TGS1: variants seen among roughly 807,000 people sequenced by gnomAD.
The protein encoded by TGS1 is trimethylguanosine synthase 1.
TGS1 carries 69 observed loss-of-function variants against 92.2 expected under a neutral mutation model. The observed-to-expected ratio is 0.75, with a 90% CI of 0.62 to 0.91. The LOEUF (loss-of-function observed/expected upper bound fraction) is 0.91, where lower values mean the gene tolerates loss of function less well. TGS1 is among the 40% of genes least tolerant of loss of function. TGS1 has a pLI of 0.00. For synonymous variants in TGS1, 345 were observed against 338.1 expected, an observed-to-expected ratio of 1.02 and a Z score of -0.22; for missense variants, 1,062 against 1,001.2, an observed-to-expected ratio of 1.06 and a Z score of -0.82.
In TGS1 at chr8:55,773,555, C is replaced by T; in HGVS notation, c.-64C>T. The T allele has an allele frequency of 1.5e-6, 2 of 1,321,026 alleles. No homozygotes were observed. The highest frequency in any genetic ancestry group is 1.9e-5 in the Admixed American group (1 of 51,298). 81.8% of individuals were successfully genotyped at this position (1,321,026 alleles called of 1,614,324 possible). ...AGGCCTGTTTTAAGTCTCCAGTAAC[C>T]GAGCGGAGGCCCGGCAGGCGCGACC... On this transcript the variant is annotated 5_prime_UTR_variant, in exon 1 of 13. Coordinates refer to ENST00000260129, the MANE Select transcript of TGS1 (RefSeq NM_024831.8).
chr8:55,799,246 C>G lies in TGS1; in HGVS notation c.1849+26C>G, dbSNP rs1274381500. ...GTAACACTAAATATGCTTCAACTTG[C>G]TAATGGATTTAGATAAAATTTTTTT... On this transcript the variant is annotated intron_variant, in intron 8 of 12. Transcript: ENST00000260129. The G allele has an allele frequency of 8.3e-6, 13 of 1,561,368 alleles. No homozygotes were observed. In the Admixed American group the frequency reaches 2.7e-4, roughly 33 times the overall value.
chr8:55,786,109 G>C, intron 3 of TGS1, 129 bp from the exon 4 acceptor site: 1 of 711,404 alleles, frequency 1.4e-6, no homozygotes. Context: ...TCACTTGTTT[G>C]TGGAGCTAAA....
rs746256235 is a variant in TGS1 at position 55,786,428 on chromosome 8, C to A, written c.530C>A (p.Thr177Asn). 6.2e-7 allele frequency: 1 copy of A among 1,613,398 alleles called. No individual in the cohort carries two copies. The highest frequency in any genetic ancestry group is 1.1e-5 in the South Asian group (1 of 90,794). ...RTYELQSKKD[T>N]ETENPPVENT... Reference sequence around the variant, plus strand: ...TATGAACTTCAAAGCAAAAAAGATACTGAGACAGAAAATCCTCCAGTTGAA... The same window carrying A: ...TATGAACTTCAAAGCAAAAAAGATAATGAGACAGAAAATCCTCCAGTTGAA... Residue 177 changes from threonine (T) to asparagine (N), a missense_variant, in exon 4 of 13, where the codon ACT (threonine) becomes AAT (asparagine). Thr to Asn is a moderately conservative substitution (Grantham distance 65). Transcript: ENST00000260129.
chr8:55,799,264 AT>A (rs369256016), intron 8 of TGS1, 44 bp downstream of exon 8: 10 of 1,523,346 alleles, frequency 6.6e-6, no homozygotes, highest in Non-Finnish European at 7.0e-6. Flanking sequence ...TTTAGATAAA[AT>A]TTTTTTTGTT....
At chr8:55,784,369 T>TGA (rs974511273) in intron 2 of TGS1, among the ~76,000 whole-genome samples, 2 of 151,998 alleles carry the variant, frequency 1.3e-5, no homozygotes, top group South Asian at 2.1e-4. Flanking sequence ...TTTCTCTTTT[T>TGA]GAGAGAGAGA....
In TGS1 at chr8:55,810,732, T is replaced by TTTAAA. The variant is rs1803315272; in HGVS notation, c.2144-149_2144-148insTTAAA. 8 of 629,654 alleles carry TTTAAA rather than the reference T, an allele frequency of 1.3e-5. No homozygotes were observed. The South Asian group carries it at 1.6e-4, about 13-fold the overall frequency. The allele number at this position is 629,654 out of a possible 1,614,324, so 39.0% of individuals were successfully genotyped here. A position where few individuals can be genotyped will look rare whatever the true frequency, so the allele number is the denominator to read the frequency against. On this transcript the variant is annotated intron_variant, in intron 10 of 12. Transcript: ENST00000260129. ...TTTAAATAAAAAATTTAAACTGAAG[T>TTTAAA]CTGTATCTCGGGTATATGTGGCCAA...
chr8:55,814,674 A>AT lies in TGS1; in HGVS notation c.2439+1556_2439+1557insT, dbSNP rs1554564802. ...CGTCTCTACTTAAAAAAAAAAAAAAAATATATATATATATATATATATATG... is the reference window on the plus strand; with the variant it reads ...CGTCTCTACTTAAAAAAAAAAAAAAATATATATATATATATATATATATATG... On this transcript the variant is annotated intron_variant, in intron 12 of 12. Transcript: ENST00000260129. Among the ~76,000 whole-genome samples, 466 of 123,300 alleles carry AT rather than the reference A, an allele frequency of 3.8e-3. 2 individuals carry two copies. Among genetic ancestry groups the AT allele is most frequent in the African/African-American group, 0.012 (335 of 28,028 alleles). 80.9% of individuals were successfully genotyped at this position (123,300 alleles called of 152,430 possible). A position where few individuals can be genotyped will look rare whatever the true frequency, so the allele number is the denominator to read the frequency against.
At chr8:55,821,128 G>C (rs1189719868) in intron 12 of TGS1, among the ~76,000 whole-genome samples, 2 of 152,104 alleles carry the variant, frequency 1.3e-5, no homozygotes, top group Non-Finnish European at 2.9e-5. Flanking sequence ...CAGAACACTT[G>C]AAAGTAACAT....
At chr8:55,787,283 C>A (rs780394444) in intron 4 of TGS1, among the ~76,000 whole-genome samples, 1 of 152,060 alleles carries the variant, frequency 6.6e-6, no homozygotes, top group Admixed American at 6.6e-5. Flanking sequence ...TTCTCTTGTA[C>A]TTTGGTGGCT....
At chr8:55,816,387 C>CT (rs1803478449) in intron 12 of TGS1, among the ~76,000 whole-genome samples, 1 of 152,180 alleles carries the variant, frequency 6.6e-6, no homozygotes, top group South Asian at 2.1e-4. Context: ...GGTGGAATCT[C>CT]TGACATAAGG....
chr8:55,792,563 C>T, intron 5 of TGS1, 135 bp from the exon 6 acceptor site: 10 of 583,094 alleles, frequency 1.7e-5, no homozygotes, highest in East Asian at 2.8e-5. Flanking sequence ...TCCTGGTTTC[C>T]TGGATTTGTG....
chr8:55,776,173 A>G (rs12541384), intron 1 of TGS1, among the ~76,000 whole-genome samples: 10,251 of 151,990 alleles, frequency 0.067, 459 homozygotes, highest in South Asian at 0.11. Context: ...GGGGGTCTGC[A>G]TGAGAGGATC....
chr8:55,809,953 T>G (rs1762238588), intron 10 of TGS1, among the ~76,000 whole-genome samples: 1 of 152,198 alleles, frequency 6.6e-6, no homozygotes, highest in Admixed American at 6.5e-5. Flanking sequence ...GAATTTTTTC[T>G]CTTACAAATG....
chr8:55,819,183 A>C (rs761164775), intron 12 of TGS1, among the ~76,000 whole-genome samples: 17 of 151,314 alleles, frequency 1.1e-4, no homozygotes, highest in Non-Finnish European at 2.2e-4. Context: ...CAATCTTTCT[A>C]CTTCAGCCTC....
At chr8:55,806,150 G>A (rs1277123702) in intron 10 of TGS1, among the ~76,000 whole-genome samples, 2 of 151,402 alleles carry the variant, frequency 1.3e-5, no homozygotes, top group Non-Finnish European at 2.9e-5. Flanking sequence ...GAGGTGGGGA[G>A]TTCAAGACCA....
At chr8:55,806,966 C>T (rs1407504009) in intron 10 of TGS1, among the ~76,000 whole-genome samples, 3 of 149,430 alleles carry the variant, frequency 2.0e-5, no homozygotes, top group African/African-American at 7.4e-5. Context: ...CTCACTCTGT[C>T]GCCCAGGCTG....
intron 6 of TGS1, among the ~76,000 whole-genome samples, chr8:55,795,376 A>G (rs1376860679): frequency 6.6e-6 from 1 of 152,194 alleles, no homozygotes; most frequent in Non-Finnish European, 1.5e-5. Flanking sequence ...TATAAATGCT[A>G]AAGTGTACGT....
chr8:55,776,262 G>A (rs1811394258), intron 1 of TGS1, among the ~76,000 whole-genome samples: 1 of 151,634 alleles, frequency 6.6e-6, no homozygotes, highest in Admixed American at 6.6e-5. Flanking sequence ...AACTGGACAG[G>A]GGTCTTCACG....
chr8:55,786,549 A>G lies in TGS1; in HGVS notation c.651A>G (p.Lys217=). The change falls in exon 4 of 13, where the codon AAA becomes AAG. Residue 217 remains lysine (K), a synonymous_variant. Transcript: ENST00000260129. ...TATTGTGGCAAAGTTGGCAAGAAAA[A>G]CATCCGGGTCAAGCACTATCTTCTG... ...GGLLWQSWQE[K]HPGQALSSEP... 1 of 1,614,216 alleles carries G rather than the reference A, an allele frequency of 6.2e-7. No individual in the cohort carries two copies. The highest frequency in any genetic ancestry group is 8.5e-7 in the Non-Finnish European group (1 of 1,180,036).
Sources: gnomAD v4.1 joint callset for allele counts (sites outside exome capture counted in the v4.1 genomes callset) on GRCh38, gnomAD v4.1.1 for gene constraint, MANE v1.5 for transcripts, NCBI Gene and HGNC (gene_info 2026-07-23, HGNC 2026-07-21) for gene names.